The following USP6 variants were observed in gnomAD, a reference collection of about 807,000 sequenced individuals.
USP6 encodes the protein ubiquitin carboxyl-terminal hydrolase 6.
USP6 carries 128 observed loss-of-function variants against 175.7 expected under a neutral mutation model. The observed-to-expected ratio is 0.73, with a 90% CI of 0.63 to 0.84. The LOEUF is 0.84. Ranked by LOEUF, USP6 falls within the 40% of genes least tolerant of loss-of-function variation. The probability of loss-of-function intolerance (pLI) is 0.00; values close to 1 mark genes in which losing one functional copy is unlikely to be tolerated. For missense variants in USP6, 1,498 were observed against 1,760.3 expected, an observed-to-expected ratio of 0.85 and a Z score of 2.67; for synonymous variants, 562 against 630.6, an observed-to-expected ratio of 0.89 and a Z score of 1.63.
At chr17:5,146,924 C>A (rs1369318834) in intron 28 of USP6, among the ~76,000 whole-genome samples, 159 bp from the exon 29 acceptor site, 5 of 152,148 alleles carry the variant, frequency 3.3e-5, no homozygotes, top group African/African-American at 9.7e-5. Flanking sequence ...TTATTTTTAT[C>A]AAGCATTCAT....
intron 30 of USP6, among the ~76,000 whole-genome samples, chr17:5,153,856 G>A (rs1022200233): frequency 5.9e-5 from 9 of 151,970 alleles, no homozygotes; most frequent in South Asian, 2.1e-4. Flanking sequence ...GGGTTTCACC[G>A]TATTGGCCAG....
In USP6 at chr17:5,136,753, C is replaced by T. The variant is rs760575783; in HGVS notation, c.759+19C>T. 8.7e-6 allele frequency: 14 copies of T among 1,610,958 alleles called. No homozygotes were observed. Among genetic ancestry groups the T allele is most frequent in the East Asian group, 4.5e-5 (2 of 44,878 alleles). ...GCATCAGGTGAGTTTATGGTCCCCT[C>T]GGCTCTTCTCAGAGGCCCTGCCTCC... On this transcript the variant is annotated intron_variant, in intron 18 of 37. Transcript: ENST00000574788.
chr17:5,161,093 T>G (rs1409429966), intron 31 of USP6, among the ~76,000 whole-genome samples: 1 of 152,284 alleles, frequency 6.6e-6, no homozygotes, highest in Non-Finnish European at 1.5e-5. Flanking sequence ...ACTTAGCATG[T>G]ACCACATCAG....
At chr17:5,172,583 C>T (rs565626959) in intron 37 of USP6, among the ~76,000 whole-genome samples, 37 of 152,216 alleles carry the variant, frequency 2.4e-4, no homozygotes, top group African/African-American at 8.9e-4. Context: ...GGTTTTAGGT[C>T]ATTCTGTTTT....
In USP6 at chr17:5,167,930, A is replaced by G. The variant is rs774066871; in HGVS notation, c.3037-2A>G. The G allele has an allele frequency of 1.2e-6, 2 of 1,609,542 alleles. No homozygotes were observed. Among genetic ancestry groups the G allele is most frequent in the Admixed American group, 1.7e-5 (1 of 59,934 alleles). On this transcript the variant is annotated splice_acceptor_variant, in intron 33 of 37. Transcript: ENST00000574788. LOFTEE classifies it high-confidence loss of function. Reference sequence around the variant, plus strand: ...CTTTCCTCCTGTTCCCTCTACCTACAGGTTGTAGATAAGCATGAGAGTGTG... The same window carrying G: ...CTTTCCTCCTGTTCCCTCTACCTACGGGTTGTAGATAAGCATGAGAGTGTG...
intron 30 of USP6, among the ~76,000 whole-genome samples, chr17:5,150,614 C>T (rs2073743755): frequency 6.6e-6 from 1 of 151,776 alleles, no homozygotes; most frequent in African/African-American, 2.4e-5. Flanking sequence ...CCTGCCTCAG[C>T]CTCCCGAGTA....
chr17:5,129,260 T>TA (rs2072985840), intron 8 of USP6, 127 bp downstream of exon 8: 1 of 152,310 alleles, frequency 6.6e-6, no homozygotes, highest in African/African-American at 2.4e-5. Flanking sequence ...CTCCCTGCTC[T>TA]AGATCCCAAA....
intron 6 of USP6, among the ~76,000 whole-genome samples, chr17:5,126,179 G>A (rs2072889235): frequency 7.3e-6 from 1 of 136,510 alleles, no homozygotes; most frequent in Non-Finnish European, 1.7e-5. Context: ...CTCTTTCTTA[G>A]TTCTCCTTCT....
Position 5,128,836 on chromosome 17 carries a change from C to T in USP6, c.-337-116C>T, listed in dbSNP as rs775867845. On this transcript the variant is annotated intron_variant, in intron 7 of 37. Transcript: ENST00000574788. ...CTGTGTTCTACGGCAGTTACACACA[C>T]GCAGTGGTATTCACAAGCGGTTTTG... 3.9e-5 allele frequency: 6 copies of T among 152,820 alleles called. No individual in the cohort carries two copies. The South Asian group carries it at 6.2e-4, about 16-fold the overall frequency. The allele number at this position is 152,820 out of a possible 1,614,324, so 9.5% of individuals were successfully genotyped here. A position where few individuals can be genotyped will look rare whatever the true frequency, so the allele number is the denominator to read the frequency against.
At position 5,138,492 on chromosome 17, in the gene USP6, G is replaced by A. The variant is rs1390810960; in HGVS notation, c.1078+219G>A. Among the ~76,000 whole-genome samples, 7 of 152,180 alleles carry A rather than the reference G, an allele frequency of 4.6e-5. No individual in the cohort carries two copies. The South Asian group carries it at 1.0e-3, about 23-fold the overall frequency. On this transcript the variant is annotated intron_variant, in intron 21 of 37. Transcript: ENST00000574788. ...TGTGTTGTGCACGCAGGAGAGGGAT[G>A]TGGGCAAGACCCTCCAACAAGCCCC...
chr17:5,134,993 G>GAAAA (rs906293415), intron 15 of USP6: 2 of 418,748 alleles, frequency 4.8e-6, no homozygotes, highest in East Asian at 9.7e-5. Context: ...GTGTGCAAAA[G>GAAAA]AAAAAAAAAA....
chr17:5,159,534 G>A (rs1248695146), intron 31 of USP6, among the ~76,000 whole-genome samples: 3 of 152,134 alleles, frequency 2.0e-5, no homozygotes, highest in Non-Finnish European at 4.4e-5. Flanking sequence ...AATAGCAGGT[G>A]GCATAATTCA....
intron 15 of USP6, 186 bp from the exon 16 acceptor site, chr17:5,135,048 C>CT (rs2073206994): frequency 1.5e-6 from 1 of 648,606 alleles, no homozygotes; most frequent in Non-Finnish European, 2.8e-6. Context: ...TAGAACTGGG[C>CT]TATTTGCATG....
chr17:5,171,062 T>C, intron 36 of USP6, 147 bp downstream of exon 36: 1 of 1,077,830 alleles, frequency 9.3e-7, no homozygotes, highest in African/African-American at 1.6e-5. Flanking sequence ...AAATCTGGGC[T>C]CACAGATGTG....
rs1464529919 is a variant in USP6 at position 5,162,938 on chromosome 17, T to A, written c.2970T>A (p.Asn990Lys). Residue 990 changes from asparagine to lysine, a missense_variant, in exon 33 of 38, where the codon AAT (asparagine) becomes AAA (lysine). Coordinates refer to ENST00000574788, the MANE Select transcript of USP6 (RefSeq NM_001304284.2). Reference sequence around the variant, plus strand: ...GGGAAGACAGAGCTTTCATTGGAAATGCCTATATTGCTGTGGATTGGCACC... The same window carrying A: ...GGGAAGACAGAGCTTTCATTGGAAAAGCCTATATTGCTGTGGATTGGCACC... ...DCGEDRAFIG[N>K]AYIAVDWHPT... 2 of 1,607,820 alleles carry A rather than the reference T, an allele frequency of 1.2e-6. No individual in the cohort carries two copies. Among genetic ancestry groups the A allele is most frequent in the African/African-American group, 1.3e-5 (1 of 74,686 alleles).
In USP6 at chr17:5,168,782, C is replaced by T. The variant is rs746734416; in HGVS notation, c.3244C>T (p.Arg1082Ter). The T allele has an allele frequency of 1.9e-5, 30 of 1,593,956 alleles. No homozygotes were observed. The highest frequency in any genetic ancestry group is 1.7e-4 in the Middle Eastern group (1 of 5,996). ...ACTTCTCCAGATTATTCACCTTAAG[C>T]GATTTCAATTTGTAAATGATCAGTG... ...LPPFLIIHLK[R>*]FQFVNDQWIK... Residue 1082 changes from arginine (R) to a stop codon, truncating the protein, a stop_gained, in exon 35 of 38, where the codon CGA becomes TGA. Coordinates refer to ENST00000574788, the MANE Select transcript of USP6 (RefSeq NM_001304284.2). LOFTEE classifies it high-confidence loss of function.
rs559014888 is a variant in USP6 at position 5,116,512 on chromosome 17, C to T, written c.-2156C>T. ...CCGACGAAAGGGAAAAGGCCAGTGC[C>T]TGTCCGGGAAGAGCTCAGCCTAGTG... On this transcript the variant is annotated 5_prime_UTR_variant, in exon 1 of 38. Transcript: ENST00000574788. 9.2e-5 allele frequency: 14 copies of T among 152,484 alleles called. No individual in the cohort carries two copies. Among genetic ancestry groups the T allele is most frequent in the African/African-American group, 3.4e-4 (14 of 41,580 alleles). The allele number at this position is 152,484 out of a possible 1,614,324, so 9.4% of individuals were successfully genotyped here. A position where few individuals can be genotyped will look rare whatever the true frequency, so the allele number is the denominator to read the frequency against.
chr17:5,173,713 T>C lies in USP6; in HGVS notation c.*735T>C, dbSNP rs1354057513. 9.2e-6 allele frequency: 2 copies of C among 216,914 alleles called. No individual in the cohort carries two copies. Among genetic ancestry groups the C allele is most frequent in the Non-Finnish European group, 1.9e-5 (2 of 107,528 alleles). The allele number at this position is 216,914 out of a possible 1,614,324, so 13.4% of individuals were successfully genotyped here. On this transcript the variant is annotated 3_prime_UTR_variant, in exon 38 of 38. Transcript: ENST00000574788. ...AATCCAGCTACCAGGGCCCTCCCAG[T>C]GGAGGCATCTTACATTTAGGCTACT... is the stretch of plus-strand genomic sequence containing the variant.
Position 5,139,653 on chromosome 17 carries a change from C to T in USP6, c.1477C>T (p.Gln493Ter), listed in dbSNP as rs768145162. Residue 493 changes from glutamine (Q) to a stop codon, truncating the protein, a stop_gained, in exon 22 of 38, where the codon CAG becomes TAG. Transcript: ENST00000574788. LOFTEE classifies it high-confidence loss of function. ...SQEDQLATCW[Q>*]AEHCGEVHNK... ...GGAGGACCAGCTGGCCACCTGCTGG[C>T]AGGCTGAACACTGCGGAGAGGGTGA... is the stretch of plus-strand genomic sequence containing the variant. 8.7e-6 allele frequency: 14 copies of T among 1,610,898 alleles called. No homozygotes were observed. The Admixed American group carries it at 1.3e-4, about 15-fold the overall frequency.
Sources: allele counts gnomAD v4.1 joint callset (sites outside exome capture counted in the v4.1 genomes callset), GRCh38; gene constraint gnomAD v4.1.1; transcripts MANE v1.5; gene names NCBI Gene and HGNC (gene_info 2026-07-23, HGNC 2026-07-21).